The following ZNF782 variants were observed in gnomAD, a reference collection of about 807,000 sequenced individuals.
The protein encoded by ZNF782 is zinc finger protein 782.
ZNF782 carries 12 observed loss-of-function variants against 13.0 expected under a neutral mutation model. The observed-to-expected ratio is 0.92, with a 90% confidence interval of 0.59 to 1.50. The LOEUF is 1.50. ZNF782 is among the 40% of genes most tolerant of loss of function. ZNF782 has a pLI of 0.00. For synonymous variants in ZNF782, 284 were observed against 283.0 expected (o/e 1.00, Z -0.04); for missense variants, 770 against 822.9 (o/e 0.94, Z 0.79).
At chr9:96,889,239 A>G in the ZNF782 span, 1 of 152,214 alleles carries the variant, frequency 6.6e-6, no homozygotes, top group Non-Finnish European at 1.5e-5. Context: ...CCTAAAATGC[A>G]GCTTTCAGGA....
chr9:96,818,325 A>T lies in ZNF782; in HGVS notation c.1698T>A (p.His566Gln), dbSNP rs1457696092. The T allele has an allele frequency of 1.9e-6, 3 of 1,613,432 alleles. No individual in the cohort carries two copies. Among genetic ancestry groups the T allele is most frequent in the African/African-American group, 2.7e-5 (2 of 74,722 alleles). ...HTGEKPYKCN[H>Q]CGEAFSQKSN... ...ATTTCTGACTGAAAGCTTCCCCACA[A>T]TGATTACATTTATAGGGTTTTTCCC... Residue 566 changes from histidine to glutamine, a missense_variant, in exon 6 of 6, where the codon CAT becomes CAA. His to Gln is a conservative substitution (Grantham distance 24, BLOSUM62 0). Coordinates refer to ENST00000481138, the MANE Select transcript of ZNF782 (RefSeq NM_001001662.3).
the ZNF782 span, among the ~76,000 whole-genome samples, chr9:96,885,574 G>A: frequency 2.6e-5 from 4 of 152,054 alleles, no homozygotes; most frequent in South Asian, 8.3e-4. Flanking sequence ...AAAAGTGTCT[G>A]AAAAAATAAA....
chr9:96,888,974 C>T, the ZNF782 span: 7 of 152,344 alleles, frequency 4.6e-5, no homozygotes, highest in South Asian at 2.1e-4. Context: ...ATCCCAGGAG[C>T]TTCTGATCCT....
the ZNF782 span, among the ~76,000 whole-genome samples, chr9:96,901,132 C>G: frequency 6.7e-6 from 1 of 149,904 alleles, no homozygotes; most frequent in South Asian, 2.1e-4. Flanking sequence ...AGCACTCCAG[C>G]CTGGGCAACA....
At chr9:96,884,265 A>G in the ZNF782 span, among the ~76,000 whole-genome samples, 1 of 152,186 alleles carries the variant, frequency 6.6e-6, no homozygotes, top group Non-Finnish European at 1.5e-5. Context: ...CAGTGAGCTG[A>G]GCCTTCACCC....
chr9:96,837,525 T>C (rs1243662057), intron 4 of ZNF782, among the ~76,000 whole-genome samples: 1 of 152,190 alleles, frequency 6.6e-6, no homozygotes, highest in African/African-American at 2.4e-5. Context: ...TTCTATTCTT[T>C]CATTATCTCT....
At chr9:96,841,504 T>C (rs1311761147) in intron 4 of ZNF782, among the ~76,000 whole-genome samples, 7 of 151,852 alleles carry the variant, frequency 4.6e-5, no homozygotes, top group Admixed American at 2.0e-4. Context: ...AATCAAACAA[T>C]AAATAAAAAG....
intron 5 of ZNF782, among the ~76,000 whole-genome samples, chr9:96,820,216 G>A (rs927610882): frequency 3.3e-5 from 5 of 152,160 alleles, no homozygotes; most frequent in Admixed American, 6.5e-5. Context: ...TTGCCGTAGG[G>A]AGTAACGCTA....
At chr9:96,882,017 GTA>G in the ZNF782 span, among the ~76,000 whole-genome samples, 2 of 140,870 alleles carry the variant, frequency 1.4e-5, no homozygotes, top group African/African-American at 2.6e-5. Context: ...GTGTGTGTGT[GTA>G]TACTCATTGT....
At chr9:96,894,096 G>T in the ZNF782 span, 1 of 151,022 alleles carries the variant, frequency 6.6e-6, no homozygotes, top group Non-Finnish European at 1.5e-5. Context: ...CACAAGGACA[G>T]AAAACCAAAC....
At chr9:96,875,322 G>A in intron 1 of ZNF782, 1 of 371,010 alleles carries the variant, frequency 2.7e-6, no homozygotes, top group Non-Finnish European at 5.4e-6. Flanking sequence ...CTTACTCAGG[G>A]TTTAGTAACT....
At chr9:96,856,131 G>A (rs1374905265), upstream of ZNF782, among the ~76,000 whole-genome samples, 2 of 151,862 alleles carry the variant, frequency 1.3e-5, no homozygotes, top group South Asian at 2.1e-4. Context: ...GTTTGAGTTC[G>A]TAGTAGATTC....
At chr9:96,925,566 C>T in the ZNF782 span, among the ~76,000 whole-genome samples, 1 of 139,892 alleles carries the variant, frequency 7.1e-6, no homozygotes, top group African/African-American at 2.7e-5. Flanking sequence ...ACCCAGGAGG[C>T]GGAGGCTGCA....
upstream of ZNF782, among the ~76,000 whole-genome samples, chr9:96,877,813 T>C (rs1851912732): frequency 6.6e-6 from 1 of 152,164 alleles, no homozygotes; most frequent in Admixed American, 6.5e-5. Context: ...ATGTGTGCTT[T>C]TTGGGGGGAA....
At chr9:96,883,579 T>A in the ZNF782 span, among the ~76,000 whole-genome samples, 35 of 152,170 alleles carry the variant, frequency 2.3e-4, no homozygotes, top group African/African-American at 8.2e-4. Flanking sequence ...AGTTGACATA[T>A]TTTTGAGCCC....
At chr9:96,887,770 A>C in the ZNF782 span, 8 of 152,134 alleles carry the variant, frequency 5.3e-5, no homozygotes, top group African/African-American at 1.9e-4. Flanking sequence ...AACCAACCTA[A>C]ATGTCCAACA....
chr9:96,868,329 T>C (rs1851784978), intron 1 of ZNF782, among the ~76,000 whole-genome samples: 1 of 152,242 alleles, frequency 6.6e-6, no homozygotes, highest in African/African-American at 2.4e-5. Flanking sequence ...TGCTTTCTTA[T>C]ATTTATAAGG....
In ZNF782 at chr9:96,819,203, T is replaced by A. The variant is rs1343297486; in HGVS notation, c.820A>T (p.Asn274Tyr). Residue 274 changes from asparagine to tyrosine, a missense_variant, in exon 6 of 6, where the codon AAT becomes TAT. By Grantham distance (143) the Asn-to-Tyr change is moderately radical. Coordinates refer to ENST00000481138, the MANE Select transcript of ZNF782 (RefSeq NM_001001662.3). ...MNPEKSHYEF[N>Y]DTGNCFCRIT... is the part of the protein sequence containing the mutation. ...CTACAGAAACAATTTCCAGTATCAT[T>A]AAACTCATAGTGACTCTTCTCTGGA... 3 of 1,611,666 alleles carry A rather than the reference T, an allele frequency of 1.9e-6. No homozygotes were observed. Among genetic ancestry groups the A allele is most frequent in the African/African-American group, 2.7e-5 (2 of 74,810 alleles).
At chr9:96,910,963 A>G in the ZNF782 span, among the ~76,000 whole-genome samples, 1 of 149,046 alleles carries the variant, frequency 6.7e-6, no homozygotes, top group Non-Finnish European at 1.5e-5. Flanking sequence ...GTACTTTAAA[A>G]AAAGAAATTT....
Sources: gnomAD v4.1 joint callset for allele counts (sites outside exome capture counted in the v4.1 genomes callset) on GRCh38, gnomAD v4.1.1 for gene constraint, MANE v1.5 for transcripts, NCBI Gene and HGNC (gene_info 2026-07-23, HGNC 2026-07-21) for gene names.